RAB27B: variants seen among roughly 807,000 people sequenced by gnomAD.
RAB27B encodes the protein RAB27B, member RAS oncogene family.
RAB27B carries 15 observed loss-of-function variants against 24.6 expected under a neutral mutation model. The ratio of observed to expected loss-of-function variants is 0.61; its 90% confidence interval spans 0.41 to 0.94. The LOEUF is 0.94. RAB27B is among the 40% of genes least tolerant of loss of function. RAB27B has a pLI of 0.00. For synonymous variants in RAB27B, 105 were observed against 92.5 expected (o/e 1.14, Z -0.78); for missense variants, 261 against 266.8 (o/e 0.98, Z 0.15).
At chr18:54,722,787 A>G (rs1909401917) in intron 2 of RAB27B, among the ~76,000 whole-genome samples, 1 of 152,154 alleles carries the variant, frequency 6.6e-6, no homozygotes, top group Non-Finnish European at 1.5e-5. Context: ...GAAAATTGCT[A>G]TGGTGTGATT....
chr18:54,741,471 G>A (rs1025586957), intron 2 of RAB27B, among the ~76,000 whole-genome samples: 1 of 152,040 alleles, frequency 6.6e-6, no homozygotes, highest in Non-Finnish European at 1.5e-5. Flanking sequence ...GTACTGTGCT[G>A]CTGAACCAAG....
In RAB27B at chr18:54,894,342, T is replaced by A. The variant is rs1489130060; in HGVS notation, c.*4929T>A. On this transcript the variant is annotated 3_prime_UTR_variant, in exon 6 of 6. Coordinates refer to ENST00000262094, the MANE Select transcript of RAB27B (RefSeq NM_004163.4). ...TCCAGCTGGTTGTGGAAGTAATGGC[T>A]AACATCCTTCAGCTGACTTTGTCTA... 6.6e-6 allele frequency: 1 copy of A among 152,058 alleles called. No individual in the cohort carries two copies. The highest frequency in any genetic ancestry group is 1.5e-5 in the Non-Finnish European group (1 of 67,946). 9.4% of individuals were successfully genotyped at this position (152,058 alleles called of 1,614,324 possible).
At chr18:54,813,275 A>G (rs1382982151) in intron 2 of RAB27B, among the ~76,000 whole-genome samples, 3 of 152,230 alleles carry the variant, frequency 2.0e-5, no homozygotes, top group African/African-American at 7.2e-5. Flanking sequence ...CTGCTGTGCC[A>G]TGTACTAGAC....
At chr18:54,854,567 A>G (rs529392310) in intron 1 of RAB27B, among the ~76,000 whole-genome samples, 3,379 of 152,348 alleles carry the variant, frequency 0.022, 60 homozygotes, top group Middle Eastern at 0.048. Flanking sequence ...GATTAAAAAA[A>G]TAATTAAGTG....
chr18:54,869,030 A>G (rs2145254222), intron 1 of RAB27B, among the ~76,000 whole-genome samples: 1 of 152,322 alleles, frequency 6.6e-6, no homozygotes, highest in Non-Finnish European at 1.5e-5. Flanking sequence ...CAAAAGCCTA[A>G]ATTGTTTTAA....
intron 1 of RAB27B, among the ~76,000 whole-genome samples, chr18:54,876,324 C>G (rs1912699321): frequency 6.6e-6 from 1 of 152,116 alleles, no homozygotes; most frequent in Non-Finnish European, 1.5e-5. Context: ...GGACACAAAG[C>G]CTAACCATAT....
intron 2 of RAB27B, among the ~76,000 whole-genome samples, chr18:54,778,322 A>G (rs1323422776): frequency 6.6e-6 from 1 of 151,970 alleles, no homozygotes; most frequent in Non-Finnish European, 1.5e-5. Context: ...GTCCTTCAGC[A>G]TAAGAATCTG....
chr18:54,894,845 G>A lies in RAB27B; in HGVS notation c.*5432G>A, dbSNP rs955791247. ...GATATAAAAAGAGGTATCATAGCAG[G>A]GAAAACACACTAATTTTCATACAGT... On this transcript the variant is annotated 3_prime_UTR_variant, in exon 6 of 6. Transcript: ENST00000262094. 6.6e-6 allele frequency: 1 copy of A among 152,028 alleles called. No homozygotes were observed. The highest frequency in any genetic ancestry group is 2.4e-5 in the African/African-American group (1 of 41,428). 9.4% of individuals were successfully genotyped at this position (152,028 alleles called of 1,614,324 possible). A position where few individuals can be genotyped will look rare whatever the true frequency, so the allele number is the denominator to read the frequency against.
chr18:54,841,669 G>A (rs1225525898), intron 1 of RAB27B, among the ~76,000 whole-genome samples: 1 of 152,148 alleles, frequency 6.6e-6, no homozygotes, highest in African/African-American at 2.4e-5. Context: ...CAGGATAAGA[G>A]GTGGGCTTAT....
At chr18:54,863,230 C>T (rs1305910108) in intron 1 of RAB27B, among the ~76,000 whole-genome samples, 2 of 152,096 alleles carry the variant, frequency 1.3e-5, no homozygotes, top group Admixed American at 6.5e-5. Context: ...TGAATATATA[C>T]AACTATATCA....
At chr18:54,801,709 T>C (rs1022455322) in intron 2 of RAB27B, among the ~76,000 whole-genome samples, 6 of 152,164 alleles carry the variant, frequency 3.9e-5, no homozygotes, top group African/African-American at 1.2e-4. Flanking sequence ...TACCACCCAG[T>C]TGTGACAACC....
At chr18:54,735,626 C>A (rs1026290455) in intron 2 of RAB27B, among the ~76,000 whole-genome samples, 1 of 152,198 alleles carries the variant, frequency 6.6e-6, no homozygotes, top group Non-Finnish European at 1.5e-5. Context: ...AATTCTTCTG[C>A]TGCAGCCTCC....
intron 2 of RAB27B, among the ~76,000 whole-genome samples, chr18:54,775,093 C>G (rs530634608): frequency 6.6e-6 from 1 of 152,328 alleles, no homozygotes; most frequent in South Asian, 2.1e-4. Flanking sequence ...CCTCAGAGAG[C>G]CTGACCTCAG....
intron 1 of RAB27B, among the ~76,000 whole-genome samples, chr18:54,836,545 T>C (rs546806124): frequency 6.6e-6 from 1 of 152,062 alleles, no homozygotes; most frequent in East Asian, 1.9e-4. Flanking sequence ...GCTTGGCAAC[T>C]TGAGAACAGA....
At chr18:54,739,470 A>AG (rs1196492037) in intron 2 of RAB27B, among the ~76,000 whole-genome samples, 5 of 150,564 alleles carry the variant, frequency 3.3e-5, no homozygotes, top group Admixed American at 6.6e-5. Context: ...AAAAAAAAAA[A>AG]AAAGAAAGAA....
At chr18:54,770,455 C>T (rs187737665) in intron 2 of RAB27B, among the ~76,000 whole-genome samples, 2 of 151,950 alleles carry the variant, frequency 1.3e-5, no homozygotes, top group Admixed American at 6.6e-5. Context: ...TCACTGTCTC[C>T]CATCACCCCC....
chr18:54,719,485 T>G (rs1480547764), intron 2 of RAB27B, among the ~76,000 whole-genome samples: 1 of 152,076 alleles, frequency 6.6e-6, no homozygotes, highest in Non-Finnish European at 1.5e-5. Context: ...ATTGTAATTA[T>G]TAACTTGCAG....
chr18:54,801,447 A>C (rs78106335), intron 2 of RAB27B, among the ~76,000 whole-genome samples: 1 of 152,258 alleles, frequency 6.6e-6, no homozygotes, highest in Admixed American at 6.5e-5. Context: ...CTCTTAAAAA[A>C]CTGGAAAATC....
chr18:54,875,568 G>T, intron 1 of RAB27B, among the ~76,000 whole-genome samples: 1 of 150,932 alleles, frequency 6.6e-6, no homozygotes. Context: ...GAACATCCAT[G>T]GTCAGCAAAA....
Sources: allele counts gnomAD v4.1 joint callset (sites outside exome capture counted in the v4.1 genomes callset), GRCh38; gene constraint gnomAD v4.1.1; transcripts MANE v1.5; gene names NCBI Gene and HGNC (gene_info 2026-07-23, HGNC 2026-07-21).